Variants in GNG2 observed in about 807,000 individuals in gnomAD.
GNG2 encodes the protein guanine nucleotide-binding protein G(I)/G(S)/G(O) subunit gamma-2.
A neutral mutation model predicts 5.5 loss-of-function variants in GNG2; 5 were observed. The observed-to-expected ratio is 0.91, with a 90% CI of 0.48 to 1.92. GNG2 has a LOEUF of 1.92. Ranked by LOEUF, GNG2 falls within the 30% of genes most tolerant of loss-of-function variation. The probability of loss-of-function intolerance (pLI) is 0.01; values close to 1 mark genes in which losing one functional copy is unlikely to be tolerated. For missense variants in GNG2, 55 were observed against 88.4 expected (o/e 0.62, Z 1.52); for synonymous variants, 28 against 32.0 (o/e 0.88, Z 0.42).
intron 2 of GNG2, among the ~76,000 whole-genome samples, chr14:51,906,137 A>G (rs1885899599): frequency 6.6e-6 from 1 of 152,250 alleles, no homozygotes; most frequent in South Asian, 2.1e-4. Context: ...AGAAGTTGCT[A>G]GAATCTGGGC....
At chr14:51,868,393 C>T (rs747068353) in intron 1 of GNG2, among the ~76,000 whole-genome samples, 1 of 152,090 alleles carries the variant, frequency 6.6e-6, no homozygotes, top group Non-Finnish European at 1.5e-5. Flanking sequence ...GGATTGGAAC[C>T]ATTGACAGAA....
chr14:51,920,842 A>T (rs1237331302), intron 2 of GNG2, among the ~76,000 whole-genome samples: 1 of 152,150 alleles, frequency 6.6e-6, no homozygotes, highest in East Asian at 1.9e-4. Context: ...ATAAATTGCA[A>T]CTGTTGGGGC....
At chr14:51,871,497 T>A (rs1180487498) in intron 1 of GNG2, among the ~76,000 whole-genome samples, 1 of 152,204 alleles carries the variant, frequency 6.6e-6, no homozygotes, top group African/African-American at 2.4e-5. Flanking sequence ...AAGCTTTCTA[T>A]GCCTCAGTTT....
chr14:51,829,199 T>G (rs1881112986), intron 2 of GNG2, among the ~76,000 whole-genome samples: 1 of 152,168 alleles, frequency 6.6e-6, no homozygotes, highest in African/African-American at 2.4e-5. Flanking sequence ...CTCCTGTGCC[T>G]CAGCTGTCCA....
At chr14:51,848,840 G>A (rs1304634259) in intron 2 of GNG2, among the ~76,000 whole-genome samples, 1 of 152,082 alleles carries the variant, frequency 6.6e-6, no homozygotes, top group Non-Finnish European at 1.5e-5. Context: ...AAGGAAACCA[G>A]GACCAGAGAA....
At chr14:51,966,327 C>T (rs867083477) in intron 3 of GNG2, among the ~76,000 whole-genome samples, 1 of 151,788 alleles carries the variant, frequency 6.6e-6, no homozygotes. Context: ...TTCGGTTCTG[C>T]ACCCTAAGTG....
chr14:51,829,296 A>G (rs1171849181), intron 2 of GNG2, among the ~76,000 whole-genome samples: 2 of 151,692 alleles, frequency 1.3e-5, no homozygotes, highest in Non-Finnish European at 2.9e-5. Flanking sequence ...TATCTCCCCA[A>G]CTCCCAAAAG....
chr14:51,854,802 C>T (rs9646129), intron 2 of GNG2, among the ~76,000 whole-genome samples: 30,883 of 152,018 alleles, frequency 0.2, 3,415 homozygotes, highest in East Asian at 0.38. Flanking sequence ...CGTGAGCCAC[C>T]GCACCCGGCC....
upstream of GNG2, among the ~76,000 whole-genome samples, chr14:51,859,767 G>A (rs1882337876): frequency 6.6e-6 from 1 of 152,166 alleles, no homozygotes; most frequent in Non-Finnish European, 1.5e-5. Context: ...CTAAGATGAA[G>A]GGAAGGGACT....
rs573193985 is a variant in GNG2 at position 51,954,178 on chromosome 14, C to G, written c.87+3413C>G. 2.6e-5 allele frequency among the ~76,000 whole-genome samples: 4 copies of G among 152,274 alleles called. 1 individual carries two copies. Among genetic ancestry groups the G allele is most frequent in the African/African-American group, 9.6e-5 (4 of 41,546 alleles). The stretch of plus-strand genomic sequence containing the variant: ...TTTCTATCCCTTTACATCACAGACC[C>G]TGGGAGATTTGGGCTAAGTGAACCA... On this transcript the variant is annotated intron_variant, in intron 3 of 3. Transcript: ENST00000556766.
chr14:51,848,119 C>T (rs929696789), intron 2 of GNG2, among the ~76,000 whole-genome samples: 5 of 151,968 alleles, frequency 3.3e-5, no homozygotes, highest in African/African-American at 7.3e-5. Flanking sequence ...CTCTCCTTCC[C>T]TCACATCCAA....
intron 3 of GNG2, among the ~76,000 whole-genome samples, chr14:51,955,015 G>A (rs1407429429): frequency 6.6e-6 from 1 of 152,190 alleles, no homozygotes; most frequent in African/African-American, 2.4e-5. Context: ...GGGAATCATT[G>A]TAAGCTGGAA....
intron 2 of GNG2, among the ~76,000 whole-genome samples, chr14:51,909,015 A>G (rs1236979179): frequency 1.3e-5 from 2 of 152,246 alleles, no homozygotes; most frequent in South Asian, 2.1e-4. Flanking sequence ...TTATATAACC[A>G]TAGTTATTAA....
At chr14:51,872,153 G>C (rs1315164938) in intron 1 of GNG2, among the ~76,000 whole-genome samples, 1 of 152,208 alleles carries the variant, frequency 6.6e-6, no homozygotes, top group Admixed American at 6.5e-5. Context: ...GATAAGCTTT[G>C]CTCAAATAAG....
At chr14:51,958,447 C>G (rs940044058) in intron 3 of GNG2, among the ~76,000 whole-genome samples, 3 of 145,466 alleles carry the variant, frequency 2.1e-5, no homozygotes, top group Admixed American at 7.0e-5. Flanking sequence ...GTTCCCCCCC[C>G]CCATTTATAT....
chr14:51,848,605 C>T lies in GNG2; in HGVS notation c.64+20798C>T, dbSNP rs570316736. Among the ~76,000 whole-genome samples the T allele has an allele frequency of 3.3e-5, 5 of 152,280 alleles. No individual in the cohort carries two copies. In the East Asian group the frequency reaches 9.6e-4, roughly 29 times the overall value. On this transcript the variant is annotated intron_variant, in intron 2 of 3. Coordinates refer to the GNG2 transcript ENST00000553432. ...CAGGTCTCTGTCTAAATGTCTTCTC[C>T]TGCAGGAGGATGTTTGTATCAGCCT...
intron 3 of GNG2, chr14:51,952,084 A>C: frequency 6.7e-6 from 4 of 597,188 alleles, no homozygotes; most frequent in Non-Finnish European, 1.2e-5. Context: ...GCCAAGGTTG[A>C]GAACCACTGT....
At chr14:51,855,955 C>T (rs1053002875), upstream of GNG2, among the ~76,000 whole-genome samples, 1 of 152,064 alleles carries the variant, frequency 6.6e-6, no homozygotes, top group East Asian at 1.9e-4. Flanking sequence ...GGTGGATCAC[C>T]TGAGGTCAGA....
At chr14:51,854,927 T>A (rs1882084639) in intron 2 of GNG2, among the ~76,000 whole-genome samples, 1 of 152,152 alleles carries the variant, frequency 6.6e-6, no homozygotes, top group African/African-American at 2.4e-5. Context: ...GACCTCAGGC[T>A]TCATGGTTAG....
Sources: allele counts gnomAD v4.1 joint callset (sites outside exome capture counted in the v4.1 genomes callset), GRCh38; gene constraint gnomAD v4.1.1; transcripts MANE v1.5; gene names NCBI Gene and HGNC (gene_info 2026-07-23, HGNC 2026-07-21).